The following RHPN2 variants were observed in gnomAD, a reference collection of about 807,000 sequenced individuals.
The protein encoded by RHPN2 is rhophilin Rho GTPase binding protein 2.
A neutral mutation model predicts 79.0 loss-of-function variants in RHPN2; 40 were observed. That is an observed-to-expected ratio of 0.51 (90% CI 0.39 to 0.66). The LOEUF (loss-of-function observed/expected upper bound fraction) is 0.66, where lower values mean the gene tolerates loss of function less well. RHPN2 is among the 30% of genes least tolerant of loss of function. RHPN2 has a pLI of 0.00. For missense variants in RHPN2, 686 were observed against 883.5 expected, an observed-to-expected ratio of 0.78 and a Z score of 2.83; for synonymous variants, 285 against 363.5, an observed-to-expected ratio of 0.78 and a Z score of 2.46.
intron 1 of RHPN2, among the ~76,000 whole-genome samples, chr19:33,045,050 CTTTT>C (rs367927850): frequency 1.6e-5 from 2 of 127,300 alleles, no homozygotes; most frequent in Non-Finnish European, 3.2e-5. Context: ...TGAGTATCTA[CTTTT>C]TTTTTTTTTT....
chr19:33,052,486 A>C (rs1972197125), intron 1 of RHPN2, among the ~76,000 whole-genome samples: 1 of 152,184 alleles, frequency 6.6e-6, no homozygotes, highest in Admixed American at 6.6e-5. Flanking sequence ...TCCAGCAAAG[A>C]TTATTTTCTC....
intron 1 of RHPN2, chr19:33,051,457 G>A (rs935583500): frequency 7.2e-5 from 11 of 153,416 alleles, no homozygotes; most frequent in African/African-American, 2.7e-4. Context: ...AAGTTTCTCT[G>A]TACGTGTACA....
chr19:33,029,660 C>T (rs1971995555), intron 2 of RHPN2, among the ~76,000 whole-genome samples: 1 of 152,048 alleles, frequency 6.6e-6, no homozygotes, highest in Admixed American at 6.6e-5. Flanking sequence ...CAACAAATAG[C>T]GCTAAAGCAG....
chr19:33,002,213 C>G, intron 9 of RHPN2, 34 bp downstream of exon 9: 1 of 1,607,574 alleles, frequency 6.2e-7, no homozygotes, highest in East Asian at 2.2e-5. Context: ...TGGACCACAG[C>G]CCTCGCCAAA....
intron 7 of RHPN2, among the ~76,000 whole-genome samples, chr19:33,005,803 C>G (rs2145233898): frequency 6.6e-6 from 1 of 152,072 alleles, no homozygotes; most frequent in Non-Finnish European, 1.5e-5. Context: ...AAGATGAGTC[C>G]AGAAAAAAGA....
intron 10 of RHPN2, among the ~76,000 whole-genome samples, chr19:32,998,884 A>G (rs1599811510): frequency 8.3e-6 from 1 of 120,646 alleles, no homozygotes; most frequent in Non-Finnish European, 1.7e-5. Flanking sequence ...AGAGGAAAGG[A>G]GGGGAGAAGA....
intron 1 of RHPN2, among the ~76,000 whole-genome samples, chr19:33,061,703 C>T (rs1972281913): frequency 1.3e-5 from 2 of 152,014 alleles, no homozygotes; most frequent in South Asian, 2.1e-4. Flanking sequence ...AGGCTGGTCT[C>T]GAACTCCTGA....
chr19:33,062,961 G>A (rs1395049833), intron 1 of RHPN2, among the ~76,000 whole-genome samples: 1 of 152,054 alleles, frequency 6.6e-6, no homozygotes, highest in Non-Finnish European at 1.5e-5. Flanking sequence ...CCCCTCACAG[G>A]TGTGCTTCTC....
chr19:33,018,517 GC>G (rs914336995), intron 4 of RHPN2, among the ~76,000 whole-genome samples: 7 of 152,148 alleles, frequency 4.6e-5, no homozygotes, highest in African/African-American at 1.7e-4. Context: ...GTGGCATAAA[GC>G]TGCAATTCCC....
chr19:33,024,160 G>T (rs368253940), intron 3 of RHPN2, among the ~76,000 whole-genome samples: 1 of 152,158 alleles, frequency 6.6e-6, no homozygotes, highest in Non-Finnish European at 1.5e-5. Context: ...AGGAGGCCGG[G>T]TGTGGTGGCT....
chr19:32,981,065 TCCGC>T (rs1253849623), intron 14 of RHPN2, among the ~76,000 whole-genome samples: 19 of 152,032 alleles, frequency 1.2e-4, no homozygotes, highest in Non-Finnish European at 2.9e-5. Context: ...GACCTCGTGA[TCCGC>T]CCGTCTTGGC....
intron 2 of RHPN2, among the ~76,000 whole-genome samples, chr19:33,035,250 AG>A (rs1278433745): frequency 2.6e-5 from 4 of 152,016 alleles, no homozygotes. Context: ...TACAGGCGTG[AG>A]CCACCACACC....
intron 1 of RHPN2, among the ~76,000 whole-genome samples, chr19:33,045,544 G>A (rs568183145): frequency 3.3e-5 from 5 of 151,824 alleles, no homozygotes; most frequent in Non-Finnish European, 7.4e-5. Flanking sequence ...CACAATCTCG[G>A]CTCACTGCAA....
At chr19:33,010,385 G>GT (rs34076809) in intron 6 of RHPN2, among the ~76,000 whole-genome samples, 47,073 of 140,420 alleles carry the variant, frequency 0.34, 8,649 homozygotes, top group East Asian at 0.57. Context: ...TTTTTAGGTT[G>GT]TTTTTTTTTT....
intron 1 of RHPN2, among the ~76,000 whole-genome samples, chr19:33,044,750 C>A (rs1031348576): frequency 7.2e-5 from 11 of 152,038 alleles, no homozygotes; most frequent in Non-Finnish European, 1.5e-4. Flanking sequence ...AAAAATTAAC[C>A]AGGTGTGGTG....
chr19:33,060,743 A>G (rs1300243458), intron 1 of RHPN2, among the ~76,000 whole-genome samples: 1 of 152,116 alleles, frequency 6.6e-6, no homozygotes, highest in Non-Finnish European at 1.5e-5. Flanking sequence ...TATTGCCCAG[A>G]GTGGGCTTGA....
At chr19:32,990,165 G>GA (rs373722067) in intron 14 of RHPN2, among the ~76,000 whole-genome samples, 6 of 149,630 alleles carry the variant, frequency 4.0e-5, no homozygotes, top group Non-Finnish European at 7.4e-5. Flanking sequence ...AAGAAAGAAA[G>GA]AGCGAGCCAG....
At chr19:33,058,910 A>G (rs1972256322) in intron 1 of RHPN2, among the ~76,000 whole-genome samples, 1 of 152,138 alleles carries the variant, frequency 6.6e-6, no homozygotes, top group Non-Finnish European at 1.5e-5. Context: ...CAGCCTGACC[A>G]ACATGGTGAA....
Position 33,031,865 on chromosome 19 carries a change from G to A in RHPN2, c.186-5233C>T, listed in dbSNP as rs573490250. Among the ~76,000 whole-genome samples the A allele has an allele frequency of 1.7e-4, 25 of 151,462 alleles. 1 individual carries two copies. Among genetic ancestry groups the A allele is most frequent in the Non-Finnish European group, 3.5e-4 (24 of 67,914 alleles). ...CTCCTGAGTAGCTGGGACTACAGGC[G>A]CCCGCCACCACGCCCGGCTAATTTA... is the stretch of plus-strand genomic sequence containing the variant. On this transcript the variant is annotated intron_variant, in intron 2 of 14. Coordinates refer to ENST00000254260, the MANE Select transcript of RHPN2 (RefSeq NM_033103.5).
Sources: gnomAD v4.1 joint callset for allele counts (sites outside exome capture counted in the v4.1 genomes callset) on GRCh38, gnomAD v4.1.1 for gene constraint, MANE v1.5 for transcripts, NCBI Gene and HGNC (gene_info 2026-07-23, HGNC 2026-07-21) for gene names.